The following FBXL7 variants were observed in gnomAD, a reference collection of about 807,000 sequenced individuals.
The protein encoded by FBXL7 is F-box and leucine rich repeat protein 7.
A neutral mutation model predicts 38.3 loss-of-function variants in FBXL7; 12 were observed. The ratio of observed to expected loss-of-function variants is 0.31; its 90% CI spans 0.20 to 0.51. The LOEUF (loss-of-function observed/expected upper bound fraction) is 0.51. Ranked by LOEUF, FBXL7 falls within the 20% of genes least tolerant of loss-of-function variation. The pLI is 0.98. For synonymous variants in FBXL7, 297 were observed against 300.9 expected, an observed-to-expected ratio of 0.99 and a Z score of 0.13; for missense variants, 567 against 676.4, an observed-to-expected ratio of 0.84 and a Z score of 1.79.
At chr5:15,624,869 GT>G (rs548586309) in intron 2 of FBXL7, among the ~76,000 whole-genome samples, 3,607 of 135,890 alleles carry the variant, frequency 0.027, 57 homozygotes, top group Non-Finnish European at 0.043. Context: ...GTACATGTTT[GT>G]TTTTTTTTTT....
intron 2 of FBXL7, among the ~76,000 whole-genome samples, chr5:15,727,397 A>G (rs574338142): frequency 1.3e-5 from 2 of 152,262 alleles, no homozygotes; most frequent in East Asian, 3.9e-4. Flanking sequence ...TTCTGTTGGT[A>G]ATACATTTTC....
intron 2 of FBXL7, among the ~76,000 whole-genome samples, chr5:15,671,462 G>GT (rs1251450899): frequency 6.9e-6 from 1 of 145,426 alleles, no homozygotes; most frequent in Non-Finnish European, 1.5e-5. Flanking sequence ...TTTTTTTTTT[G>GT]TTTTTTAAAA....
At chr5:15,695,764 A>G (rs1743315017) in intron 2 of FBXL7, among the ~76,000 whole-genome samples, 1 of 152,138 alleles carries the variant, frequency 6.6e-6, no homozygotes, top group South Asian at 2.1e-4. Context: ...TTATCATACA[A>G]CACATGAAAG....
chr5:15,752,740 AT>A (rs1264321983), intron 2 of FBXL7, among the ~76,000 whole-genome samples: 2 of 152,186 alleles, frequency 1.3e-5, no homozygotes. Flanking sequence ...TAGTAAATGT[AT>A]GAATATTTAT....
intron 1 of FBXL7, among the ~76,000 whole-genome samples, chr5:15,516,249 AT>A (rs1033288167): frequency 7.9e-5 from 12 of 151,832 alleles, no homozygotes; most frequent in Admixed American, 6.6e-5. Flanking sequence ...ATCATGCTGT[AT>A]TTTTTCTTGG....
chr5:15,842,389 G>T lies in FBXL7; in HGVS notation c.128-85501G>T, dbSNP rs543312175. ...TTCACCCAATACCTGTACCCACATT[G>T]TACGTGGGAAGTAACTAACTTTCTT... On this transcript the variant is annotated intron_variant, in intron 2 of 3. Transcript: ENST00000504595. Among the ~76,000 whole-genome samples the T allele has an allele frequency of 2.0e-5, 3 of 152,300 alleles. No homozygotes were observed. In the South Asian group the frequency reaches 6.2e-4, roughly 32 times the overall value.
At chr5:15,741,286 A>T (rs1249117804) in intron 2 of FBXL7, among the ~76,000 whole-genome samples, 2 of 152,200 alleles carry the variant, frequency 1.3e-5, no homozygotes, top group African/African-American at 4.8e-5. Flanking sequence ...TTGTTGATAA[A>T]TATTTCTAAT....
chr5:15,605,839 G>A (rs1739991229), intron 1 of FBXL7, among the ~76,000 whole-genome samples: 1 of 152,104 alleles, frequency 6.6e-6, no homozygotes, highest in Admixed American at 6.6e-5. Flanking sequence ...TGGCAATGGC[G>A]CAAATGCTAA....
chr5:15,858,649 G>C (rs969164143), intron 2 of FBXL7, among the ~76,000 whole-genome samples: 1 of 152,158 alleles, frequency 6.6e-6, no homozygotes, highest in Non-Finnish European at 1.5e-5. Flanking sequence ...TTTCAGCTCT[G>C]AATCCACAAG....
chr5:15,782,511 C>G (rs750265540), intron 2 of FBXL7, among the ~76,000 whole-genome samples: 8 of 152,116 alleles, frequency 5.3e-5, no homozygotes, highest in Admixed American at 5.2e-4. Context: ...TTTTAACAAT[C>G]GCCATTCTAA....
chr5:15,647,471 C>T (rs1741569141), intron 2 of FBXL7, among the ~76,000 whole-genome samples: 2 of 152,142 alleles, frequency 1.3e-5, no homozygotes, highest in African/African-American at 4.8e-5. Flanking sequence ...CCAAATAGAC[C>T]ACAGCAATGT....
At position 15,757,446 on chromosome 5, in the gene FBXL7, A is replaced by AAC. The variant is rs1736327029; in HGVS notation, c.127+141374_127+141375insAC. Among the ~76,000 whole-genome samples the AAC allele has an allele frequency of 4.6e-5, 7 of 151,370 alleles. No individual in the cohort carries two copies. The South Asian group carries it at 1.5e-3, about 31-fold the overall frequency. ...CGAACTTCAGATACTAATCTCAAAG[A>AAC]GAGTTATGGAGTCCAGAAGACATCA... On this transcript the variant is annotated intron_variant, in intron 2 of 3. Transcript: ENST00000504595.
At chr5:15,739,301 C>G (rs1285563995) in intron 2 of FBXL7, among the ~76,000 whole-genome samples, 1 of 148,310 alleles carries the variant, frequency 6.7e-6, no homozygotes, top group Non-Finnish European at 1.5e-5. Flanking sequence ...ACGTTCCACC[C>G]ACCTCCTTTC....
chr5:15,865,005 A>G (rs1224668833), intron 2 of FBXL7, among the ~76,000 whole-genome samples: 2 of 152,134 alleles, frequency 1.3e-5, no homozygotes, highest in African/African-American at 2.4e-5. Context: ...TTCTCCCTCC[A>G]AGACTTGGCT....
At chr5:15,896,954 C>A (rs563835713) in intron 2 of FBXL7, among the ~76,000 whole-genome samples, 2 of 151,998 alleles carry the variant, frequency 1.3e-5, no homozygotes, top group African/African-American at 4.8e-5. Context: ...GCCAACATGG[C>A]AAAACCCCAT....
At chr5:15,784,929 C>T (rs13183703) in intron 2 of FBXL7, among the ~76,000 whole-genome samples, 12,646 of 152,202 alleles carry the variant, frequency 0.083, 629 homozygotes, top group South Asian at 0.15. Flanking sequence ...CAAGATTCTA[C>T]GTGTGTGTAT....
chr5:15,580,531 G>C (rs563895805), intron 1 of FBXL7: 2 of 714,468 alleles, frequency 2.8e-6, no homozygotes, highest in East Asian at 2.7e-4. Flanking sequence ...TTTAGTCTCT[G>C]TTCCTGGATA....
chr5:15,722,920 T>TCAAAAAAAG (rs1554017080), intron 2 of FBXL7, among the ~76,000 whole-genome samples: 1 of 36,266 alleles, frequency 2.8e-5, no homozygotes, highest in Non-Finnish European at 7.0e-5. Flanking sequence ...AGACTCCGTC[T>TCAAAAAAAG]CAAAAAAAAC....
At chr5:15,792,256 T>C (rs1737296410) in intron 2 of FBXL7, among the ~76,000 whole-genome samples, 7 of 151,890 alleles carry the variant, frequency 4.6e-5, no homozygotes, top group Admixed American at 4.6e-4. Flanking sequence ...TTCCCAGGGG[T>C]TTAAGAGGAA....
Sources: allele counts gnomAD v4.1 joint callset (sites outside exome capture counted in the v4.1 genomes callset), GRCh38; gene constraint gnomAD v4.1.1; transcripts MANE v1.5; gene names NCBI Gene and HGNC (gene_info 2026-07-23, HGNC 2026-07-21).